DPF3: variants seen among roughly 807,000 people sequenced by gnomAD.
The protein encoded by DPF3 is zinc finger protein DPF3.
Under a neutral mutation model 56.8 loss-of-function variants are expected in DPF3, and 18 were observed. The observed-to-expected ratio is 0.32, with a 90% confidence interval of 0.22 to 0.47. DPF3 has a LOEUF of 0.47. Among genes scored for constraint, DPF3 ranks in the 20% least tolerant of loss-of-function variants. The probability of loss-of-function intolerance (pLI) is 1.00; values close to 1 mark genes in which losing one functional copy is unlikely to be tolerated. For missense variants in DPF3, 403 were observed against 488.8 expected, an observed-to-expected ratio of 0.82 and a Z score of 1.65; for synonymous variants, 188 against 180.2, an observed-to-expected ratio of 1.04 and a Z score of -0.35.
intron 1 of DPF3, among the ~76,000 whole-genome samples, chr14:72,784,706 C>A (rs1392391522): frequency 1.3e-5 from 2 of 152,138 alleles, no homozygotes; most frequent in Non-Finnish European, 2.9e-5. Flanking sequence ...CGCCTGTAAT[C>A]CTAACACTTT....
At chr14:72,775,971 C>T (rs1210500187) in intron 1 of DPF3, among the ~76,000 whole-genome samples, 2 of 147,968 alleles carry the variant, frequency 1.4e-5, no homozygotes, top group South Asian at 4.3e-4. Flanking sequence ...TCCTTTCCAA[C>T]ATGGTATTTC....
chr14:72,766,301 C>T (rs1891284889), intron 2 of DPF3, among the ~76,000 whole-genome samples: 1 of 152,136 alleles, frequency 6.6e-6, no homozygotes, highest in Admixed American at 6.5e-5. Context: ...GGACATTATT[C>T]ATAGAACAGA....
chr14:72,857,799 G>A (rs1437998767), intron 1 of DPF3, among the ~76,000 whole-genome samples: 2 of 152,066 alleles, frequency 1.3e-5, no homozygotes, highest in African/African-American at 4.8e-5. Context: ...ATGTTGGCCA[G>A]GATGGTCTCA....
intron 1 of DPF3, chr14:72,836,388 G>A: frequency 4.1e-6 from 4 of 985,510 alleles, no homozygotes; most frequent in Non-Finnish European, 4.8e-6. Flanking sequence ...CAGAGCAGGG[G>A]GCAAACCCCT....
intron 1 of DPF3, among the ~76,000 whole-genome samples, chr14:72,863,525 C>T (rs1885537904): frequency 6.7e-6 from 1 of 148,730 alleles, no homozygotes; most frequent in Admixed American, 6.8e-5. Flanking sequence ...TTTCATGACC[C>T]TCTTGCTTTC....
chr14:72,641,312 C>T (rs1234291034), intron 8 of DPF3, among the ~76,000 whole-genome samples: 6 of 152,192 alleles, frequency 3.9e-5, no homozygotes, highest in African/African-American at 4.8e-5. Flanking sequence ...TTGGAAGCAC[C>T]GTGCACAATG....
At chr14:72,747,945 A>T (rs1196363665) in intron 3 of DPF3, among the ~76,000 whole-genome samples, 1 of 152,220 alleles carries the variant, frequency 6.6e-6, no homozygotes, top group Non-Finnish European at 1.5e-5. Flanking sequence ...TAAATTGCCC[A>T]GTCTCAAGTA....
chr14:72,806,604 C>T (rs1007141875), intron 1 of DPF3, among the ~76,000 whole-genome samples: 4 of 152,132 alleles, frequency 2.6e-5, no homozygotes, highest in African/African-American at 4.8e-5. Context: ...TTTCCCCACC[C>T]GCACTGGGCG....
intron 8 of DPF3, among the ~76,000 whole-genome samples, chr14:72,641,958 G>A (rs1015758538): frequency 5.9e-5 from 9 of 152,234 alleles, no homozygotes; most frequent in African/African-American, 2.2e-4. Context: ...CAGCTATTGT[G>A]TTGTGAGCTG....
chr14:72,816,663 A>T (rs895786677), intron 1 of DPF3, among the ~76,000 whole-genome samples: 4 of 152,118 alleles, frequency 2.6e-5, no homozygotes, highest in African/African-American at 4.8e-5. Context: ...AGGAAGTAGT[A>T]TGTAAAAGCA....
At chr14:72,725,574 A>C (rs1889373225) in intron 4 of DPF3, among the ~76,000 whole-genome samples, 1 of 152,098 alleles carries the variant, frequency 6.6e-6, no homozygotes, top group Non-Finnish European at 1.5e-5. Context: ...CATAAGATGG[A>C]GCTAGTAAGG....
At chr14:72,811,244 T>C (rs568874353) in intron 1 of DPF3, among the ~76,000 whole-genome samples, 2 of 152,166 alleles carry the variant, frequency 1.3e-5, no homozygotes, top group African/African-American at 2.4e-5. Flanking sequence ...ACCTCCAACA[T>C]TGGGAATCAC....
intron 1 of DPF3, among the ~76,000 whole-genome samples, chr14:72,864,097 T>C (rs1243298774): frequency 1.3e-5 from 2 of 151,980 alleles, no homozygotes; most frequent in Non-Finnish European, 2.9e-5. Flanking sequence ...TGCGCCCTGG[T>C]CCCTCCAGAG....
chr14:72,647,327 A>G (rs75501200), intron 8 of DPF3, among the ~76,000 whole-genome samples: 5,258 of 152,300 alleles, frequency 0.035, 137 homozygotes, highest in South Asian at 0.099. Flanking sequence ...TAAGTGTTTC[A>G]GACAGGCCTG....
At chr14:72,803,858 T>C (rs1034385666) in intron 1 of DPF3, among the ~76,000 whole-genome samples, 7 of 151,370 alleles carry the variant, frequency 4.6e-5, no homozygotes, top group East Asian at 1.9e-4. Flanking sequence ...AACACAAACA[T>C]GTGCAGTGAA....
At chr14:72,783,346 C>T (rs145145224) in intron 1 of DPF3, among the ~76,000 whole-genome samples, 125 of 152,304 alleles carry the variant, frequency 8.2e-4, no homozygotes, top group African/African-American at 2.7e-3. Flanking sequence ...CAGCCCCCAA[C>T]GCAAGACTTG....
At chr14:72,882,904 G>C (rs1567269809) in intron 1 of DPF3, among the ~76,000 whole-genome samples, 1 of 152,124 alleles carries the variant, frequency 6.6e-6, no homozygotes, top group Non-Finnish European at 1.5e-5. Flanking sequence ...AAAAAACAAG[G>C]GTCTAGGAGA....
chr14:72,716,349 G>C (rs965486033), intron 5 of DPF3, among the ~76,000 whole-genome samples: 4 of 152,030 alleles, frequency 2.6e-5, no homozygotes, highest in South Asian at 4.1e-4. Flanking sequence ...GTGTCTATAG[G>C]GCACTTCAGG....
intron 3 of DPF3, among the ~76,000 whole-genome samples, chr14:72,741,311 T>A (rs1890113033): frequency 6.6e-6 from 1 of 152,016 alleles, no homozygotes; most frequent in Admixed American, 6.6e-5. Context: ...ATGACCCACA[T>A]CTCACAGATG....
Sources: allele counts gnomAD v4.1 joint callset (sites outside exome capture counted in the v4.1 genomes callset), GRCh38; gene constraint gnomAD v4.1.1; transcripts MANE v1.5; gene names NCBI Gene and HGNC (gene_info 2026-07-23, HGNC 2026-07-21).